The following ANKRD11 variants were observed in gnomAD, a reference collection of about 807,000 sequenced individuals.
ANKRD11 encodes the protein ankyrin repeat domain 11.
Under a neutral mutation model 195.7 loss-of-function variants are expected in ANKRD11, and 17 were observed. The ratio of observed to expected loss-of-function variants is 0.09; its 90% CI spans 0.06 to 0.13. The LOEUF is 0.13. ANKRD11 is among the 10% of genes least tolerant of loss of function. The pLI is 1.00. For synonymous variants in ANKRD11, 1,953 were observed against 1,528.1 expected (o/e 1.28, Z -6.49); for missense variants, 3,735 against 3,566.1 (o/e 1.05, Z -1.21).
chr16:89,409,189 T>C (rs574100899), intron 2 of ANKRD11, among the ~76,000 whole-genome samples: 18 of 152,240 alleles, frequency 1.2e-4, no homozygotes, highest in African/African-American at 3.9e-4. Flanking sequence ...GGAAATGAGA[T>C]GAGCTCACAC....
intron 2 of ANKRD11, among the ~76,000 whole-genome samples, chr16:89,377,224 A>G (rs972918153): frequency 2.6e-5 from 4 of 152,124 alleles, no homozygotes; most frequent in African/African-American, 9.7e-5. Context: ...AGGACCTGTA[A>G]GGCTCATTAC....
intron 1 of ANKRD11, among the ~76,000 whole-genome samples, chr16:89,456,075 C>G (rs561926754): frequency 6.6e-5 from 10 of 152,132 alleles, no homozygotes; most frequent in Admixed American, 2.6e-4. Context: ...CCTGTCTCTA[C>G]TGAAAAATAC....
chr16:89,487,752 C>T (rs1052013174), intron 1 of ANKRD11, among the ~76,000 whole-genome samples: 5 of 151,862 alleles, frequency 3.3e-5, no homozygotes, highest in African/African-American at 9.7e-5. Context: ...CCAGCCTGGG[C>T]GACAGAGCGA....
intron 3 of ANKRD11, among the ~76,000 whole-genome samples, chr16:89,315,266 G>C (rs1370671584): frequency 6.6e-6 from 1 of 152,172 alleles, no homozygotes; most frequent in East Asian, 1.9e-4. Context: ...TGCAGAGCTG[G>C]CTGCTCCCCG....
chr16:89,347,865 C>T (rs749142680), intron 2 of ANKRD11, among the ~76,000 whole-genome samples: 127 of 152,156 alleles, frequency 8.3e-4, no homozygotes, highest in Admixed American at 1.4e-3. Flanking sequence ...TCAGAACGTC[C>T]TCCATCAGAC....
intron 1 of ANKRD11, among the ~76,000 whole-genome samples, chr16:89,474,569 G>C (rs1392864272): frequency 6.6e-6 from 1 of 151,642 alleles, no homozygotes; most frequent in Non-Finnish European, 1.5e-5. Flanking sequence ...ATAATGACTG[G>C]TTGCCAGAAA....
intron 1 of ANKRD11, among the ~76,000 whole-genome samples, chr16:89,419,171 G>C (rs957197954): frequency 2.0e-5 from 3 of 152,020 alleles, no homozygotes; most frequent in African/African-American, 7.2e-5. Flanking sequence ...GCTGAATAAA[G>C]CCATGCATGG....
chr16:89,354,276 A>T (rs187482566), intron 2 of ANKRD11, among the ~76,000 whole-genome samples: 1 of 150,960 alleles, frequency 6.6e-6, no homozygotes, highest in Admixed American at 6.6e-5. Flanking sequence ...CTTCATGTTG[A>T]AACACTGTAT....
At chr16:89,453,220 G>A (rs1416449888) in intron 1 of ANKRD11, among the ~76,000 whole-genome samples, 2 of 152,088 alleles carry the variant, frequency 1.3e-5, no homozygotes, top group Non-Finnish European at 2.9e-5. Flanking sequence ...GCATTTCTTA[G>A]ATACTCACTA....
At position 89,285,639 on chromosome 16, in the gene ANKRD11, T is replaced by C; in HGVS notation, c.903A>G (p.Glu301=). Residue 301 remains glutamate (E), a synonymous_variant, in exon 9 of 13, where the codon GAA becomes GAG. Transcript: ENST00000301030. The surrounding 1 kb of genome is among the most constrained non-coding windows in gnomAD (Gnocchi z 5.6). The part of the protein sequence containing the change: ...SSEESSTESS[E]EEDAPSFAPS... ...GTGCGAAGGATGGTGCGTCTTCCTCTTCTGAGCTCTCTGTTGGAGGTAGGA... is the reference window on the plus strand; with the variant it reads ...GTGCGAAGGATGGTGCGTCTTCCTCCTCTGAGCTCTCTGTTGGAGGTAGGA... The C allele has an allele frequency of 6.2e-7, 1 of 1,614,202 alleles. No individual in the cohort carries two copies. Among genetic ancestry groups the C allele is most frequent in the Non-Finnish European group, 8.5e-7 (1 of 1,180,022 alleles).
At chr16:89,475,912 C>T (rs976655126) in intron 1 of ANKRD11, among the ~76,000 whole-genome samples, 1 of 151,784 alleles carries the variant, frequency 6.6e-6, no homozygotes, top group East Asian at 1.9e-4. Flanking sequence ...ATTAACCAGG[C>T]GTGGTGGTGG....
At chr16:89,355,259 G>A (rs773811524) in intron 2 of ANKRD11, among the ~76,000 whole-genome samples, 9 of 150,732 alleles carry the variant, frequency 6.0e-5, no homozygotes, top group Non-Finnish European at 1.2e-4. Flanking sequence ...CCTGAGGCTC[G>A]GAAGGCGGGC....
At chr16:89,371,003 AG>A (rs1363321393) in intron 2 of ANKRD11, among the ~76,000 whole-genome samples, 5 of 152,198 alleles carry the variant, frequency 3.3e-5, no homozygotes, top group African/African-American at 1.2e-4. Flanking sequence ...GAGCTCTCCT[AG>A]TTGAGAAAAA....
chr16:89,389,393 T>G (rs1356530433), intron 2 of ANKRD11, among the ~76,000 whole-genome samples: 2 of 151,712 alleles, frequency 1.3e-5, no homozygotes, highest in African/African-American at 4.8e-5. Context: ...CCTGGGCATG[T>G]AAATAAGAAA....
chr16:89,356,817 G>GT (rs1397553689), intron 2 of ANKRD11, among the ~76,000 whole-genome samples: 2 of 151,164 alleles, frequency 1.3e-5, no homozygotes, highest in East Asian at 3.9e-4. Flanking sequence ...AAAAAAGAAC[G>GT]TAATGGTACA....
intron 1 of ANKRD11, among the ~76,000 whole-genome samples, chr16:89,432,965 TC>T (rs2043052838): frequency 3.4e-5 from 5 of 148,314 alleles, no homozygotes; most frequent in African/African-American, 1.3e-4. Context: ...TCTCTCTCTC[TC>T]TCTCTCTCTC....
chr16:89,335,173 C>T (rs1404258938), intron 2 of ANKRD11, among the ~76,000 whole-genome samples: 1 of 152,204 alleles, frequency 6.6e-6, no homozygotes. Flanking sequence ...GTGGAAAGCA[C>T]AGGAAGTGAG....
chr16:89,409,371 T>C (rs1227448171), intron 2 of ANKRD11, among the ~76,000 whole-genome samples: 1 of 152,090 alleles, frequency 6.6e-6, no homozygotes, highest in Non-Finnish European at 1.5e-5. Context: ...AGGGGTGGGG[T>C]GGGAAGGCGG....
At chr16:89,325,595 C>T (rs1222748747) in intron 2 of ANKRD11, among the ~76,000 whole-genome samples, 1 of 152,182 alleles carries the variant, frequency 6.6e-6, no homozygotes, top group African/African-American at 2.4e-5. Flanking sequence ...GACAAGACAT[C>T]CGCGAAGCGT....
Sources: gnomAD v4.1 joint callset for allele counts (sites outside exome capture counted in the v4.1 genomes callset) on GRCh38, gnomAD v4.1.1 for gene constraint, Gnocchi (gnomAD v3.1) non-coding constraint, MANE v1.5 for transcripts, NCBI Gene and HGNC (gene_info 2026-07-23, HGNC 2026-07-21) for gene names.